Variants in ZNF135 observed in about 807,000 individuals in gnomAD.
ZNF135 encodes the protein zinc finger protein 135, also known as zinc finger protein 135 (clone pHZ-17).
A neutral mutation model predicts 12.3 loss-of-function variants in ZNF135; 11 were observed. The ratio of observed to expected loss-of-function variants is 0.89; its 90% CI spans 0.56 to 1.48. The LOEUF (loss-of-function observed/expected upper bound fraction) is 1.48. ZNF135 is among the 40% of genes most tolerant of loss of function. The probability of loss-of-function intolerance (pLI) is 0.00; values close to 1 mark genes in which losing one functional copy is unlikely to be tolerated. For synonymous variants in ZNF135, 316 were observed against 312.0 expected (o/e 1.01, Z -0.14); for missense variants, 722 against 815.7 (o/e 0.89, Z 1.40).
Position 58,059,884 on chromosome 19 carries a change from C to T in ZNF135, c.-34-85C>T, listed in dbSNP as rs2073938041. 6.5e-7 allele frequency: 1 copy of T among 1,534,678 alleles called. No individual in the cohort carries two copies. The highest frequency in any genetic ancestry group is 8.9e-7 in the Non-Finnish European group (1 of 1,129,026). ...GCCCTGGACGGCTCTCCGCGGAGCT[C>T]CCCAGGCTCTGGCGCAGTTCCCCGG... is the stretch of plus-strand genomic sequence containing the variant. On this transcript the variant is annotated intron_variant, in intron 1 of 4. Coordinates refer to ENST00000313434, the MANE Select transcript of ZNF135 (RefSeq NM_001289401.2). The surrounding 1 kb of genome is among the most constrained non-coding windows in gnomAD (Gnocchi z 6.5).
intron 2 of ZNF135, 51 bp from the exon 3 acceptor site, chr19:58,061,529 G>A: frequency 6.3e-7 from 1 of 1,578,688 alleles, no homozygotes; most frequent in Non-Finnish European, 8.6e-7. Flanking sequence ...TACCCCACCA[G>A]CAGCCAGTGC....
At position 58,061,568 on chromosome 19, in the gene ZNF135, G is replaced by C; in HGVS notation, c.34-12G>C. 6.2e-7 allele frequency: 1 copy of C among 1,610,882 alleles called. No individual in the cohort carries two copies. The highest frequency in any genetic ancestry group is 2.2e-5 in the East Asian group (1 of 44,712). Reference sequence around the variant, plus strand: ...GGTTGGCTTGGCTGAGGACACTCGTGTGATGTTTCAGGAGCAAGTGACGTT... The same window carrying C: ...GGTTGGCTTGGCTGAGGACACTCGTCTGATGTTTCAGGAGCAAGTGACGTT... On this transcript the variant is annotated splice_polypyrimidine_tract_variant and intron_variant, in intron 2 of 4. Coordinates refer to ENST00000313434, the MANE Select transcript of ZNF135 (RefSeq NM_001289401.2).
At position 58,065,623 on chromosome 19, in the gene ZNF135, C is replaced by T. The variant is rs1347459211; in HGVS notation, c.257-1118C>T. Among the ~76,000 whole-genome samples the T allele has an allele frequency of 6.6e-6, 1 of 152,176 alleles. No individual in the cohort carries two copies. The highest frequency in any genetic ancestry group is 1.5e-5 in the Non-Finnish European group (1 of 68,030). ...CATATTCACTCTGACTCTGACCCTT[C>T]TGCCTTTTTTCCCCATTTAAGGACC... On this transcript the variant is annotated intron_variant, in intron 4 of 4. Coordinates refer to ENST00000313434, the MANE Select transcript of ZNF135 (RefSeq NM_001289401.2). This position sits in a 1 kb window ranked among gnomAD's most constrained non-coding sequence, Gnocchi z 4.0.
Position 58,069,354 on chromosome 19 carries a change from AT to A in ZNF135, c.*898del, listed in dbSNP as rs2074131038. The A allele has an allele frequency of 6.6e-6, 1 of 152,032 alleles. No individual in the cohort carries two copies. Among genetic ancestry groups the A allele is most frequent in the Non-Finnish European group, 1.5e-5 (1 of 68,020 alleles). 9.4% of individuals were successfully genotyped at this position (152,032 alleles called of 1,614,324 possible). On this transcript the variant is annotated 3_prime_UTR_variant, in exon 5 of 5. Transcript: ENST00000313434. ...AGATATTTGTTTTACAAAAAGGGAG[AT>A]TTTTCCTTTGTTAAACCATCGTCTT...
At position 58,059,720 on chromosome 19, in the gene ZNF135, C is replaced by A; in HGVS notation, c.-34-249C>A. 1.8e-6 allele frequency: 1 copy of A among 570,724 alleles called. No individual in the cohort carries two copies. Among genetic ancestry groups the A allele is most frequent in the Non-Finnish European group, 3.1e-6 (1 of 325,268 alleles). The allele number at this position is 570,724 out of a possible 1,614,324, so 35.4% of individuals were successfully genotyped here. A position where few individuals can be genotyped will look rare whatever the true frequency, so the allele number is the denominator to read the frequency against. ...GGCCCTTGTCACTGTAGCGTTAAGGCTCAGAGTCTGCGCAGCAGATATGTG... is the reference window on the plus strand; with the variant it reads ...GGCCCTTGTCACTGTAGCGTTAAGGATCAGAGTCTGCGCAGCAGATATGTG... On this transcript the variant is annotated intron_variant, in intron 1 of 4. Transcript: ENST00000313434. The surrounding 1 kb of genome is among the most constrained non-coding windows in gnomAD (Gnocchi z 6.5).
rs2074050542 is a variant in ZNF135, at chr19:58,065,488, G to A, written c.257-1253G>A. On this transcript the variant is annotated intron_variant, in intron 4 of 4. Transcript: ENST00000313434. This position sits in a 1 kb window ranked among gnomAD's most constrained non-coding sequence, Gnocchi z 4.0. The stretch of plus-strand genomic sequence containing the variant: ...TGAGATTACAGGCATGAGGCCCTGT[G>A]CCTGGCTAAGAATCCGTTTCTTTGC... Among the ~76,000 whole-genome samples the A allele has an allele frequency of 6.6e-6, 1 of 152,190 alleles. No individual in the cohort carries two copies.
rs2074088317 is a variant in ZNF135, at chr19:58,067,337, C to T, written c.853C>T (p.Leu285=). 6.2e-7 allele frequency: 1 copy of T among 1,614,178 alleles called. No individual in the cohort carries two copies. Among genetic ancestry groups the T allele is most frequent in the African/African-American group, 1.3e-5 (1 of 75,046 alleles). The part of the protein sequence containing the change: ...CGRTFNQIAP[L]IQHQRTHTGE... The stretch of plus-strand genomic sequence containing the variant: ...GAGGACCTTCAACCAAATTGCCCCA[C>T]TGATCCAGCACCAGAGAACTCACAC... The change falls in exon 5 of 5, where the codon CTG becomes TTG. Residue 285 remains leucine (L), a synonymous_variant. Transcript: ENST00000313434.
Position 58,059,371 on chromosome 19 carries a change from C to A in ZNF135, c.-35+61C>A. On this transcript the variant is annotated intron_variant, in intron 1 of 4. Coordinates refer to ENST00000313434, the MANE Select transcript of ZNF135 (RefSeq NM_001289401.2). This position sits in a 1 kb window ranked among gnomAD's most constrained non-coding sequence, Gnocchi z 6.5. ...AGGCCGGGCCGGGCCGGGCCGGGTG[C>A]GGGGGGTCCGGGGATCTTCCTGAGG... 4.3e-6 allele frequency: 1 copy of A among 231,360 alleles called. No individual in the cohort carries two copies. Among genetic ancestry groups the A allele is most frequent in the Non-Finnish European group, 6.8e-6 (1 of 147,400 alleles). The allele number at this position is 231,360 out of a possible 1,614,324, so 14.3% of individuals were successfully genotyped here.
At chr19:58,061,144 C>T (rs560948569) in intron 2 of ZNF135, among the ~76,000 whole-genome samples, 21 of 151,710 alleles carry the variant, frequency 1.4e-4, no homozygotes, top group African/African-American at 4.4e-4. Flanking sequence ...AAAAAAAAAC[C>T]ACCCAGATTC....
In ZNF135 at chr19:58,060,029, A is replaced by G; in HGVS notation, c.27A>G (p.Thr9=). The G allele has an allele frequency of 6.2e-7, 1 of 1,613,424 alleles. No homozygotes were observed. Among genetic ancestry groups the G allele is most frequent in the Non-Finnish European group, 8.5e-7 (1 of 1,179,840 alleles). Residue 9 remains threonine (T), a synonymous_variant, in exon 2 of 5, where the codon ACA becomes ACG. Coordinates refer to ENST00000313434, the MANE Select transcript of ZNF135 (RefSeq NM_001289401.2). This position sits in a 1 kb window ranked among gnomAD's most constrained non-coding sequence, Gnocchi z 4.9. MTPGVRVS[T]DPEQVTFEDV... is the part of the protein sequence containing the mutation. ...TGACCCCTGGGGTGCGCGTCTCCAC[A>G]GACCCGGTGAGAATCTCGGCCTCCT...
In ZNF135 at chr19:58,059,774, T is replaced by A; in HGVS notation, c.-34-195T>A. The A allele has an allele frequency of 1.5e-6, 1 of 651,530 alleles. No homozygotes were observed. Among genetic ancestry groups the A allele is most frequent in the Non-Finnish European group, 2.6e-6 (1 of 390,148 alleles). The allele number at this position is 651,530 out of a possible 1,614,324, so 40.4% of individuals were successfully genotyped here. ...GCACCCGCCAGGCCTTCAGCTTCCC[T>A]CAGACAGGCGGGAAAACCCTAGGCT... On this transcript the variant is annotated intron_variant, in intron 1 of 4. Transcript: ENST00000313434. This position sits in a 1 kb window ranked among gnomAD's most constrained non-coding sequence, Gnocchi z 6.5.
chr19:58,068,146 G>T lies in ZNF135; in HGVS notation c.1662G>T (p.Gln554His), dbSNP rs767524028. 7 of 1,613,944 alleles carry T rather than the reference G, an allele frequency of 4.3e-6. No homozygotes were observed. Among genetic ancestry groups the T allele is most frequent in the Non-Finnish European group, 5.9e-6 (7 of 1,180,000 alleles). The change falls in exon 5 of 5, where the codon CAG becomes CAT. Residue 554 changes from glutamine (Q) to histidine (H), a missense_variant. Gln to His is a conservative substitution (Grantham distance 24). Transcript: ENST00000313434. ...HTGEKPYECN[Q>H]CGRAFSQSSL... ...GAGAGAAACCCTATGAATGTAACCAGTGTGGCAGAGCCTTCAGCCAGAGCT... is the reference window on the plus strand; with the variant it reads ...GAGAGAAACCCTATGAATGTAACCATTGTGGCAGAGCCTTCAGCCAGAGCT...
rs1282455122 is a variant in ZNF135, at chr19:58,069,341, T to C, written c.*880T>C. ...GCGTTAGAAACACAGATATTTGTTTTACAAAAAGGGAGATTTTTCCTTTGT... is the reference window on the plus strand; with the variant it reads ...GCGTTAGAAACACAGATATTTGTTTCACAAAAAGGGAGATTTTTCCTTTGT... On this transcript the variant is annotated 3_prime_UTR_variant, in exon 5 of 5. Transcript: ENST00000313434. 1 of 152,206 alleles carries C rather than the reference T, an allele frequency of 6.6e-6. No homozygotes were observed. Among genetic ancestry groups the C allele is most frequent in the Non-Finnish European group, 1.5e-5 (1 of 68,036 alleles). 9.4% of individuals were successfully genotyped at this position (152,206 alleles called of 1,614,324 possible). A position where few individuals can be genotyped will look rare whatever the true frequency, so the allele number is the denominator to read the frequency against.
rs199645264 is a variant in ZNF135, at chr19:58,067,324, C to T, written c.840C>T (p.Asn280=). ...GCACTCAGTGTGGGAGGACCTTCAA[C>T]CAAATTGCCCCACTGATCCAGCACC... ...YKCTQCGRTF[N]QIAPLIQHQR... Residue 280 remains asparagine, a synonymous_variant, in exon 5 of 5, where the codon AAC becomes AAT. Coordinates refer to ENST00000313434, the MANE Select transcript of ZNF135 (RefSeq NM_001289401.2). 10 of 1,614,056 alleles carry T rather than the reference C, an allele frequency of 6.2e-6. No homozygotes were observed. Among genetic ancestry groups the T allele is most frequent in the Non-Finnish European group, 7.6e-6 (9 of 1,180,040 alleles).
In ZNF135 at chr19:58,063,201, G is replaced by A. The variant is rs907269783; in HGVS notation, c.161-245G>A. ...TGATCATTGATGCCAGTGGGCAGGG[G>A]AGGAACCAGAGTTCTGATTGTCCAG... On this transcript the variant is annotated intron_variant, in intron 3 of 4. Coordinates refer to ENST00000313434, the MANE Select transcript of ZNF135 (RefSeq NM_001289401.2). This position sits in a 1 kb window ranked among gnomAD's most constrained non-coding sequence, Gnocchi z 4.4. Among the ~76,000 whole-genome samples, 4 of 152,208 alleles carry A rather than the reference G, an allele frequency of 2.6e-5. No homozygotes were observed. The highest frequency in any genetic ancestry group is 4.4e-5 in the Non-Finnish European group (3 of 68,032).
Position 58,066,883 on chromosome 19 carries a change from G to T in ZNF135, c.399G>T (p.Trp133Cys). 6.2e-7 allele frequency: 1 copy of T among 1,614,210 alleles called. No homozygotes were observed. The highest frequency in any genetic ancestry group is 8.5e-7 in the Non-Finnish European group (1 of 1,180,048). The part of the protein sequence containing the change: ...YCRGEDTEGH[W>C]EWSCESLESL... ...GGGGTGAGGACACTGAGGGCCACTG[G>T]GAATGGAGTTGTGAGAGTCTAGAGA... The change falls in exon 5 of 5, where the codon TGG becomes TGT. Residue 133 changes from tryptophan to cysteine, a missense_variant. Physicochemically the swap from Trp to Cys is radical, Grantham distance 215. Transcript: ENST00000313434.
In ZNF135 at chr19:58,065,452, G is replaced by T. The variant is rs7247966; in HGVS notation, c.257-1289G>T. 2.8e-4 allele frequency among the ~76,000 whole-genome samples: 43 copies of T among 152,240 alleles called. No homozygotes were observed. Among genetic ancestry groups the T allele is most frequent in the African/African-American group, 1.0e-3 (43 of 41,544 alleles). On this transcript the variant is annotated intron_variant, in intron 4 of 4. Transcript: ENST00000313434. This position sits in a 1 kb window ranked among gnomAD's most constrained non-coding sequence, Gnocchi z 4.0. Reference sequence around the variant, plus strand: ...CTCAAGGAGTCCTCCCACCTCAGCTGCCCAAAGTGTTGAGATTACAGGCAT... The same window carrying T: ...CTCAAGGAGTCCTCCCACCTCAGCTTCCCAAAGTGTTGAGATTACAGGCAT...
rs1294995607 is a variant in ZNF135 at position 58,068,299 on chromosome 19, C to T, written c.1815C>T (p.Pro605=). 2 of 1,614,104 alleles carry T rather than the reference C, an allele frequency of 1.2e-6. No individual in the cohort carries two copies. The highest frequency in any genetic ancestry group is 3.3e-5 in the Admixed American group (2 of 60,016). ...AAAGGACGCACACTGGGGAAAAGCC[C>T]TATGAGTGTCACGATTGCGGAAAGT... ...QHERTHTGEK[P]YECHDCGKSF... The change falls in exon 5 of 5, where the codon CCC becomes CCT. Residue 605 remains proline (P), a synonymous_variant. Transcript: ENST00000313434.
In ZNF135 at chr19:58,059,822, G is replaced by GC; in HGVS notation, c.-34-143dup. ...GCTGCCCTTCTCCGAGCGGAGGGCC[G>GC]CCCCACACACAGCAGGCGCTTAAAC... On this transcript the variant is annotated intron_variant, in intron 1 of 4. Coordinates refer to ENST00000313434, the MANE Select transcript of ZNF135 (RefSeq NM_001289401.2). This position sits in a 1 kb window ranked among gnomAD's most constrained non-coding sequence, Gnocchi z 6.5. 8.3e-6 allele frequency: 8 copies of GC among 960,098 alleles called. No individual in the cohort carries two copies. The South Asian group carries it at 1.4e-4, about 17-fold the overall frequency. The allele number at this position is 960,098 out of a possible 1,614,324, so 59.5% of individuals were successfully genotyped here. A position where few individuals can be genotyped will look rare whatever the true frequency, so the allele number is the denominator to read the frequency against.
Sources: allele counts gnomAD v4.1 joint callset (sites outside exome capture counted in the v4.1 genomes callset), GRCh38; gene constraint gnomAD v4.1.1; non-coding constraint Gnocchi (gnomAD v3.1); transcripts MANE v1.5; gene names NCBI Gene and HGNC (gene_info 2026-07-23, HGNC 2026-07-21).